The following MYO9A variants were observed in gnomAD, a reference collection of about 807,000 sequenced individuals.
The protein encoded by MYO9A is unconventional myosin-IXa.
MYO9A carries 103 observed loss-of-function variants against 293.3 expected under a neutral mutation model. The observed-to-expected ratio is 0.35, with a 90% CI of 0.30 to 0.41. The LOEUF is 0.41. Ranked by LOEUF, MYO9A falls within the 10% of genes least tolerant of loss-of-function variation. The pLI is 1.00. For synonymous variants in MYO9A, 1,001 were observed against 1,035.7 expected, an observed-to-expected ratio of 0.97 and a Z score of 0.64; for missense variants, 2,685 against 3,033.0, an observed-to-expected ratio of 0.89 and a Z score of 2.69.
At chr15:71,949,958 A>G (rs2059015003) in intron 15 of MYO9A, among the ~76,000 whole-genome samples, 2 of 151,992 alleles carry the variant, frequency 1.3e-5, no homozygotes, top group South Asian at 4.2e-4. Context: ...TAAAGAATAA[A>G]CTTTTCCCTA....
chr15:71,899,006 A>C lies in MYO9A; in HGVS notation c.3497T>G (p.Leu1166Arg). The C allele has an allele frequency of 6.2e-7, 1 of 1,610,718 alleles. No homozygotes were observed. Among genetic ancestry groups the C allele is most frequent in the Non-Finnish European group, 8.5e-7 (1 of 1,178,116 alleles). The change falls in exon 25 of 42, where the codon CTA becomes CGA. Residue 1166 changes from leucine to arginine, a missense_variant. Around this residue, in one of 10 missense-constraint regions of MYO9A, gnomAD observed 1,434 missense variants for 1,497.7 expected, o/e 0.96. Coordinates refer to ENST00000356056, the MANE Select transcript of MYO9A (RefSeq NM_006901.4). ...QRFKALKEQR[L>R]RETKPEVGLV... ...TCCAACTTCTGGCTTTGTTTCTCTTAGCCTTTGTTCTTTTAAAGCTTTAAA... is the reference window on the plus strand; with the variant it reads ...TCCAACTTCTGGCTTTGTTTCTCTTCGCCTTTGTTCTTTTAAAGCTTTAAA...
chr15:71,990,258 T>A (rs1046267137), intron 11 of MYO9A, among the ~76,000 whole-genome samples: 1 of 151,834 alleles, frequency 6.6e-6, no homozygotes, highest in African/African-American at 2.4e-5. Flanking sequence ...TTAATTTTTA[T>A]ATTTTTTGTA....
At chr15:71,933,557 C>T in intron 18 of MYO9A, 113 bp downstream of exon 18, 1 of 1,000,568 alleles carries the variant, frequency 1.0e-6, no homozygotes, top group South Asian at 1.4e-5. Flanking sequence ...CGATCACTAT[C>T]TTGGATACAA....
chr15:72,087,965 C>T (rs969602037), intron 1 of MYO9A, among the ~76,000 whole-genome samples: 3 of 152,078 alleles, frequency 2.0e-5, no homozygotes, highest in African/African-American at 7.2e-5. Flanking sequence ...TAAATGAGGT[C>T]ATAAGGAAAG....
At chr15:71,834,574 C>G (rs1265775257) in intron 39 of MYO9A, among the ~76,000 whole-genome samples, 1 of 151,844 alleles carries the variant, frequency 6.6e-6, no homozygotes. Context: ...GAGTTTGAGA[C>G]CAGCCTTGGC....
chr15:72,045,783 G>T lies in MYO9A; in HGVS notation c.781C>A (p.Gln261Lys). ...FLIHHLTALSQKGFASGVEQI... is the reference protein window; with the variant it reads ...FLIHHLTALSKKGFASGVEQI... ...TCTACTCCACTGGCAAATCCTTTCT[G>T]ACTGAGAGCAGTAAGGTGGTGAATA... The change falls in exon 2 of 42, where the codon CAG (glutamine) becomes AAG (lysine). Residue 261 changes from glutamine to lysine, a missense_variant. By Grantham distance (53) the Gln-to-Lys change is moderately conservative. Coordinates refer to ENST00000356056, the MANE Select transcript of MYO9A (RefSeq NM_006901.4). The T allele has an allele frequency of 6.2e-7, 1 of 1,614,088 alleles. No homozygotes were observed. The highest frequency in any genetic ancestry group is 1.1e-5 in the South Asian group (1 of 91,056).
In MYO9A at chr15:72,028,216, TAA is replaced by T. The variant is rs1555408277; in HGVS notation, c.936-425_936-424del. ...TGTCTCAAAAAAATAAATAAATAAA[TAA>T]ATATATATATATATATATATAAATA... is the stretch of plus-strand genomic sequence containing the variant. On this transcript the variant is annotated intron_variant, in intron 3 of 41. Coordinates refer to ENST00000356056, the MANE Select transcript of MYO9A (RefSeq NM_006901.4). Among the ~76,000 whole-genome samples, 52 of 47,818 alleles carry T rather than the reference TAA, an allele frequency of 1.1e-3. 1 individual carries two copies. The highest frequency in any genetic ancestry group is 2.3e-3 in the African/African-American group (42 of 17,954). The allele number at this position is 47,818 out of a possible 152,430, so 31.4% of individuals were successfully genotyped here.
At chr15:71,892,982 G>T in intron 26 of MYO9A, 1 of 1,276,140 alleles carries the variant, frequency 7.8e-7, no homozygotes, top group South Asian at 1.3e-5. Flanking sequence ...GAGTCACTGT[G>T]AGAGGCCTGA....
At chr15:72,070,495 G>C (rs1199238445) in intron 1 of MYO9A, among the ~76,000 whole-genome samples, 1 of 151,422 alleles carries the variant, frequency 6.6e-6, no homozygotes, top group Admixed American at 6.6e-5. Flanking sequence ...TCAATCTACG[G>C]GTTAATCCAC....
chr15:72,006,256 T>TTGTTG (rs1555502361), intron 8 of MYO9A, among the ~76,000 whole-genome samples: 11 of 150,322 alleles, frequency 7.3e-5, no homozygotes, highest in Non-Finnish European at 1.5e-4. Context: ...GTGTTTTTTT[T>TTGTTG]TTGTTGTTGT....
intron 12 of MYO9A, among the ~76,000 whole-genome samples, chr15:71,977,392 A>G (rs562035044): frequency 1.3e-5 from 2 of 152,198 alleles, no homozygotes; most frequent in African/African-American, 4.8e-5. Flanking sequence ...CTGCACTACT[A>G]TGCCCAGCTA....
At chr15:71,895,594 A>G (rs2057299615) in intron 25 of MYO9A, among the ~76,000 whole-genome samples, 3 of 152,228 alleles carry the variant, frequency 2.0e-5, no homozygotes, top group African/African-American at 7.2e-5. Context: ...TACATAATTC[A>G]GAAGCACCAG....
intron 39 of MYO9A, among the ~76,000 whole-genome samples, chr15:71,836,430 C>G (rs925966973): frequency 6.6e-6 from 1 of 152,022 alleles, no homozygotes; most frequent in African/African-American, 2.4e-5. Flanking sequence ...TATTAACAAC[C>G]ATTTTGGAAG....
In MYO9A at chr15:71,880,282, A is replaced by G. The variant is rs146809455; in HGVS notation, c.5622+53T>C. 6,547 of 1,440,394 alleles carry G rather than the reference A, an allele frequency of 4.5e-3. 222 individuals carry two copies. The Admixed American group carries it at 0.071, about 16-fold the overall frequency. The allele number at this position is 1,440,394 out of a possible 1,614,324, so 89.2% of individuals were successfully genotyped here. Reference sequence around the variant, plus strand: ...TAGAGAGTATATCCTGATATACACAAGTATTCCATACACAGAGCTGCTCCA... The same window carrying G: ...TAGAGAGTATATCCTGATATACACAGGTATTCCATACACAGAGCTGCTCCA... On this transcript the variant is annotated intron_variant, in intron 29 of 41. Coordinates refer to ENST00000356056, the MANE Select transcript of MYO9A (RefSeq NM_006901.4).
chr15:71,897,716 G>A lies in MYO9A; in HGVS notation c.4787C>T (p.Pro1596Leu), dbSNP rs751490325. 6.2e-7 allele frequency: 1 copy of A among 1,614,112 alleles called. No individual in the cohort carries two copies. Among genetic ancestry groups the A allele is most frequent in the South Asian group, 1.1e-5 (1 of 91,072 alleles). The change falls in exon 25 of 42, where the codon CCA becomes CTA. Residue 1596 changes from proline (P) to leucine (L), a missense_variant. Physicochemically the swap from Pro to Leu is moderately conservative, Grantham distance 98 (BLOSUM62 -3). Coordinates refer to ENST00000356056, the MANE Select transcript of MYO9A (RefSeq NM_006901.4). ...QKDSSSAHLP[P>L]KDRPVTVFFE... ...GAACACGGTGACAGGTCGGTCCTTT[G>A]GGGGTAAGTGAGCAGAGGAACTGTC...
At chr15:71,893,226 T>C (rs2057230366) in intron 26 of MYO9A, 2 of 1,205,912 alleles carry the variant, frequency 1.7e-6, no homozygotes, top group Non-Finnish European at 1.1e-6. Flanking sequence ...TTTGGGGTTT[T>C]TGTTCTTTTT....
intron 1 of MYO9A, among the ~76,000 whole-genome samples, chr15:72,099,795 A>C (rs1271119734): frequency 6.7e-6 from 1 of 149,472 alleles, no homozygotes; most frequent in Admixed American, 6.8e-5. Flanking sequence ...CCAGCTACTC[A>C]GGAGGCTGAG....
intron 22 of MYO9A, among the ~76,000 whole-genome samples, chr15:71,901,657 C>CA (rs371281747): frequency 0.022 from 2,404 of 108,296 alleles, 25 homozygotes; most frequent in East Asian, 0.032. Flanking sequence ...ACCTGGTCTC[C>CA]AAAAAAAAAA....
intron 19 of MYO9A, among the ~76,000 whole-genome samples, chr15:71,912,184 T>C (rs2057872620): frequency 6.6e-6 from 1 of 152,176 alleles, no homozygotes; most frequent in Non-Finnish European, 1.5e-5. Flanking sequence ...ATACTTTTAT[T>C]ATATATTTTA....
Sources: allele counts gnomAD v4.1 joint callset (sites outside exome capture counted in the v4.1 genomes callset), GRCh38; gene constraint gnomAD v4.1.1; regional missense constraint gnomAD v4.1.1; transcripts MANE v1.5; gene names NCBI Gene and HGNC (gene_info 2026-07-23, HGNC 2026-07-21).